The following ZBTB49 variants were observed in gnomAD, a reference collection of about 807,000 sequenced individuals.
The protein encoded by ZBTB49 is zinc finger and BTB domain-containing protein 49.
A neutral mutation model predicts 57.5 loss-of-function variants in ZBTB49; 43 were observed. The observed-to-expected ratio is 0.75, with a 90% CI of 0.59 to 0.97. The LOEUF (loss-of-function observed/expected upper bound fraction) is 0.97. Among genes scored for constraint, ZBTB49 ranks in the 50% least tolerant of loss-of-function variants. The pLI, the probability that ZBTB49 is intolerant of heterozygous loss-of-function variation, is 0.00. For synonymous variants in ZBTB49, 369 were observed against 362.1 expected, an observed-to-expected ratio of 1.02 and a Z score of -0.22; for missense variants, 938 against 947.7, an observed-to-expected ratio of 0.99 and a Z score of 0.13.
chr4:4,302,837 C>T lies in ZBTB49; in HGVS notation c.1001C>T (p.Thr334Ile). 1 of 1,613,828 alleles carries T rather than the reference C, an allele frequency of 6.2e-7. No individual in the cohort carries two copies. The highest frequency in any genetic ancestry group is 8.5e-7 in the Non-Finnish European group (1 of 1,179,806). Residue 334 changes from threonine to isoleucine, a missense_variant, in exon 3 of 8, where the codon ACA becomes ATA. Around this residue, in one of 3 missense-constraint regions of ZBTB49, gnomAD observed 835 missense variants for 819.1 expected, o/e 1.02. Coordinates refer to ENST00000337872, the MANE Select transcript of ZBTB49 (RefSeq NM_145291.4). ...VSEPKSDDGL[T>I]KRLESASKNT... is the part of the protein sequence containing the mutation. ...GAACCCAAGTCAGATGATGGTTTGA[C>T]AAAGAGGTTGGAATCTGCTAGTAAA...
chr4:4,302,260 C>T lies in ZBTB49; in HGVS notation c.424C>T (p.Pro142Ser). The change falls in exon 3 of 8, where the codon CCA (proline) becomes TCA (serine). Residue 142 changes from proline (P) to serine (S), a missense_variant. Physicochemically the swap from Pro to Ser is moderately conservative, Grantham distance 74. Around this residue, in one of 3 missense-constraint regions of ZBTB49, gnomAD observed 835 missense variants for 819.1 expected, o/e 1.02. Transcript: ENST00000337872. ...ATTGTCTCTACAAAGCACCCTGACC[C>T]CAGATGCCACTTGTGTTATCAGTGA... is the stretch of plus-strand genomic sequence containing the variant. ...STLSLQSTLT[P>S]DATCVISENY... 8.1e-6 allele frequency: 13 copies of T among 1,614,190 alleles called. No individual in the cohort carries two copies. The highest frequency in any genetic ancestry group is 1.0e-5 in the Non-Finnish European group (12 of 1,180,012).
chr4:4,292,317 G>T (rs986392079), intron 1 of ZBTB49, among the ~76,000 whole-genome samples: 1 of 152,130 alleles, frequency 6.6e-6, no homozygotes, highest in Non-Finnish European at 1.5e-5. Flanking sequence ...ACAGTGCAAC[G>T]ATACTTGTTT....
rs767341177 is a variant in ZBTB49 at position 4,302,292 on chromosome 4, C to T, written c.456C>T (p.Tyr152=). The T allele has an allele frequency of 4.3e-6, 7 of 1,613,996 alleles. No individual in the cohort carries two copies. Among genetic ancestry groups the T allele is most frequent in the Admixed American group, 3.3e-5 (2 of 60,016 alleles). ...PDATCVISEN[Y]PPHLLQECSA... ...CCACTTGTGTTATCAGTGAAAACTA[C>T]CCCCCTCATTTACTGCAGGAATGTT... is the stretch of plus-strand genomic sequence containing the variant. Residue 152 remains tyrosine, a synonymous_variant, in exon 3 of 8, where the codon TAC becomes TAT. Coordinates refer to ENST00000337872, the MANE Select transcript of ZBTB49 (RefSeq NM_145291.4).
rs757159419 is a variant in ZBTB49 at position 4,321,286 on chromosome 4, G to A, written c.2268G>A (p.Thr756=). The A allele has an allele frequency of 6.8e-6, 11 of 1,612,940 alleles. No individual in the cohort carries two copies. The highest frequency in any genetic ancestry group is 1.6e-4 in the Middle Eastern group (1 of 6,062). The change falls in exon 8 of 8, where the codon ACG becomes ACA. Residue 756 remains threonine, a synonymous_variant. Coordinates refer to ENST00000337872, the MANE Select transcript of ZBTB49 (RefSeq NM_145291.4). ...CTCTCTGGGGGCTAGCGATGAAGAC[G>A]CTGCAGAATGAAAACGAGTTAGACC... ...SMTLWGLAMK[T]LQNENELDQ
At chr4:4,318,167 G>A (rs894356062) in intron 7 of ZBTB49, among the ~76,000 whole-genome samples, 8 of 152,134 alleles carry the variant, frequency 5.3e-5, no homozygotes, top group Admixed American at 2.6e-4. Context: ...CTCTCGACTC[G>A]AAAGATGAAG....
At chr4:4,308,268 G>T (rs1212870310) in intron 4 of ZBTB49, among the ~76,000 whole-genome samples, 1 of 152,082 alleles carries the variant, frequency 6.6e-6, no homozygotes, top group Non-Finnish European at 1.5e-5. Flanking sequence ...TAGTAGAGAT[G>T]GGGTTTCACC....
chr4:4,315,799 G>T lies in ZBTB49; in HGVS notation c.1460-10G>T. ...GTCCTTCAGCTTAACACCTGTTATG[G>T]TCTCTCTAGGGTTTAGTAACTTCAG... is the stretch of plus-strand genomic sequence containing the variant. On this transcript the variant is annotated splice_polypyrimidine_tract_variant and intron_variant, in intron 6 of 7. Transcript: ENST00000337872. The T allele has an allele frequency of 1.2e-6, 2 of 1,614,036 alleles. No individual in the cohort carries two copies. The highest frequency in any genetic ancestry group is 1.7e-6 in the Non-Finnish European group (2 of 1,179,968).
chr4:4,299,794 T>G, intron 1 of ZBTB49, 133 bp from the exon 2 acceptor site: 1 of 707,114 alleles, frequency 1.4e-6, no homozygotes, highest in Non-Finnish European at 2.3e-6. Context: ...TGTGTGTGTG[T>G]GTGTGTGTGT....
Position 4,290,290 on chromosome 4 carries a change from T to G in ZBTB49, c.-82T>G, listed in dbSNP as rs1193347564. ...TCCGCGGCCAGCGGATCGCTGCGAG[T>G]GGCCTTGAAGGCAGCTGCTGCAGGT... On this transcript the variant is annotated 5_prime_UTR_variant, in exon 1 of 8. Transcript: ENST00000337872. The G allele has an allele frequency of 6.6e-6, 1 of 152,162 alleles. No homozygotes were observed. The highest frequency in any genetic ancestry group is 2.4e-5 in the African/African-American group (1 of 41,360). The allele number at this position is 152,162 out of a possible 1,614,324, so 9.4% of individuals were successfully genotyped here. A position where few individuals can be genotyped will look rare whatever the true frequency, so the allele number is the denominator to read the frequency against.
chr4:4,320,418 G>A (rs1463258788), intron 7 of ZBTB49, among the ~76,000 whole-genome samples: 1 of 151,912 alleles, frequency 6.6e-6, no homozygotes, highest in East Asian at 1.9e-4. Context: ...TTCCAGAATG[G>A]CCACTGTAAA....
In ZBTB49 at chr4:4,321,587, G is replaced by T; in HGVS notation, c.*271G>T. 1.9e-6 allele frequency: 1 copy of T among 514,230 alleles called. No individual in the cohort carries two copies. Among genetic ancestry groups the T allele is most frequent in the Non-Finnish European group, 3.5e-6 (1 of 289,616 alleles). The allele number at this position is 514,230 out of a possible 1,614,324, so 31.9% of individuals were successfully genotyped here. On this transcript the variant is annotated 3_prime_UTR_variant, in exon 8 of 8. Coordinates refer to ENST00000337872, the MANE Select transcript of ZBTB49 (RefSeq NM_145291.4). ...CTGTCTCAGCAGCCTCAGCTGTGGG[G>T]GGGAAGCGCGTGTGCATCGTGTCAA...
intron 3 of ZBTB49, 139 bp downstream of exon 3, chr4:4,303,230 A>G: frequency 9.6e-7 from 1 of 1,042,386 alleles, no homozygotes; most frequent in Non-Finnish European, 1.3e-6. Context: ...AGGGGGATTA[A>G]CTACTTTTTG....
chr4:4,302,100 T>A lies in ZBTB49; in HGVS notation c.264T>A (p.Asp88Glu). Residue 88 changes from aspartate (D) to glutamate (E), a missense_variant, in exon 3 of 8, where the codon GAT becomes GAA. This residue lies in a region of ZBTB49 where 100 missense variants were observed against 112.5 expected (regional missense o/e 0.89). Transcript: ENST00000337872. ...ILDFMYTSHL[D>E]LNQDNIQVML... Reference sequence around the variant, plus strand: ...ACTTCATGTACACTTCTCATCTAGATCTTAACCAGGACAATATACAAGTAA... The same window carrying A: ...ACTTCATGTACACTTCTCATCTAGAACTTAACCAGGACAATATACAAGTAA... The A allele has an allele frequency of 6.2e-7, 1 of 1,614,216 alleles. No individual in the cohort carries two copies. Among genetic ancestry groups the A allele is most frequent in the Non-Finnish European group, 8.5e-7 (1 of 1,180,016 alleles).
rs570071465 is a variant in ZBTB49 at position 4,302,169 on chromosome 4, T to G, written c.333T>G (p.Ser111Arg). The G allele has an allele frequency of 1.2e-4, 187 of 1,614,262 alleles. 1 individual carries two copies. The South Asian group carries it at 1.9e-3, about 16-fold the overall frequency. ...GTTTGCAAGTTCAAAATGTTCTGAG[T>G]CTGTGTCACACATTTTTAAAATCAG... ...AQCLQVQNVL[S>R]LCHTFLKSAT... Residue 111 changes from serine (S) to arginine (R), a missense_variant, in exon 3 of 8, where the codon AGT (serine) becomes AGG (arginine). This residue lies in a region of ZBTB49 where 835 missense variants were observed against 819.1 expected (regional missense o/e 1.02). Coordinates refer to ENST00000337872, the MANE Select transcript of ZBTB49 (RefSeq NM_145291.4).
intron 4 of ZBTB49, among the ~76,000 whole-genome samples, chr4:4,311,832 C>T (rs1021257015): frequency 2.6e-5 from 4 of 152,120 alleles, no homozygotes; most frequent in African/African-American, 7.2e-5. Flanking sequence ...TGAGTTTTTT[C>T]GAAGCCACAT....
intron 3 of ZBTB49, among the ~76,000 whole-genome samples, chr4:4,304,931 A>G (rs4689262): frequency 0.16 from 9,863 of 63,628 alleles, 832 homozygotes; most frequent in East Asian, 0.39. Context: ...GCTCTTTAGG[A>G]CCTCAATTTT....
intron 1 of ZBTB49, among the ~76,000 whole-genome samples, 183 bp downstream of exon 1, chr4:4,290,535 G>T (rs1719839047): frequency 6.6e-6 from 1 of 152,390 alleles, no homozygotes; most frequent in Non-Finnish European, 1.5e-5. Context: ...GCGAGCATTT[G>T]CTCTGTGCCG....
intron 5 of ZBTB49, among the ~76,000 whole-genome samples, chr4:4,315,146 G>C (rs1441629811): frequency 6.6e-6 from 1 of 152,214 alleles, no homozygotes; most frequent in Non-Finnish European, 1.5e-5. Flanking sequence ...AAAAGAGCGA[G>C]AGTCGCACCT....
intron 4 of ZBTB49, among the ~76,000 whole-genome samples, chr4:4,308,198 C>T (rs1398782204): frequency 6.6e-6 from 1 of 152,188 alleles, no homozygotes; most frequent in Admixed American, 6.5e-5. Flanking sequence ...TTGCCTTAGC[C>T]TCCCAAGTAG....
Sources: allele counts gnomAD v4.1 joint callset (sites outside exome capture counted in the v4.1 genomes callset), GRCh38; gene constraint gnomAD v4.1.1; regional missense constraint gnomAD v4.1.1; transcripts MANE v1.5; gene names NCBI Gene and HGNC (gene_info 2026-07-23, HGNC 2026-07-21).